KLKB1: variants seen among roughly 807,000 people sequenced by gnomAD.
KLKB1 encodes the protein kallikrein B1, also known as plasma kallikrein.
A neutral mutation model predicts 73.6 loss-of-function variants in KLKB1; 58 were observed. The observed-to-expected ratio is 0.79, with a 90% CI of 0.64 to 0.98. The LOEUF (loss-of-function observed/expected upper bound fraction) is 0.98, where lower values mean the gene tolerates loss of function less well. Among genes scored for constraint, KLKB1 ranks in the 50% least tolerant of loss-of-function variants. The probability of loss-of-function intolerance (pLI) is 0.00; values close to 1 mark genes in which losing one functional copy is unlikely to be tolerated. For synonymous variants in KLKB1, 280 were observed against 258.1 expected (o/e 1.08, Z -0.81); for missense variants, 737 against 763.8 (o/e 0.96, Z 0.41).
At chr4:186,216,541 G>A (rs1736907325) in intron 2 of KLKB1, among the ~76,000 whole-genome samples, 1 of 152,204 alleles carries the variant, frequency 6.6e-6, no homozygotes, top group Non-Finnish European at 1.5e-5. Flanking sequence ...GCAGTGGTCT[G>A]ATTGAAGTGA....
intron 2 of KLKB1, among the ~76,000 whole-genome samples, chr4:186,229,843 C>G (rs1737311242): frequency 2.6e-5 from 4 of 152,196 alleles, no homozygotes. Context: ...TCTGCTGAAC[C>G]AGAAAGTGCA....
At chr4:186,256,144 T>C (rs2126679330) in intron 13 of KLKB1, 57 bp downstream of exon 13, 1 of 1,065,642 alleles carries the variant, frequency 9.4e-7, no homozygotes, top group East Asian at 2.4e-5. Flanking sequence ...TTGAAATACA[T>C]GGAGTGGGTC....
chr4:186,232,046 G>A, intron 2 of KLKB1, 81 bp from the exon 3 acceptor site: 1 of 1,154,822 alleles, frequency 8.7e-7, no homozygotes. Flanking sequence ...CAGTCAGTGG[G>A]AGAAGTTAAG....
At chr4:186,244,409 A>G (rs1738216618) in intron 6 of KLKB1, among the ~76,000 whole-genome samples, 1 of 152,224 alleles carries the variant, frequency 6.6e-6, no homozygotes, top group African/African-American at 2.4e-5. Context: ...ATGAAGAATT[A>G]TGCCGAGATA....
upstream of KLKB1, among the ~76,000 whole-genome samples, chr4:186,227,109 A>G (rs1402872508): frequency 6.6e-6 from 1 of 152,134 alleles, no homozygotes; most frequent in Non-Finnish European, 1.5e-5. Context: ...CCTCCATGCA[A>G]GAGGGCATCT....
At chr4:186,247,574 G>T (rs1738422474) in intron 6 of KLKB1, among the ~76,000 whole-genome samples, 1 of 152,164 alleles carries the variant, frequency 6.6e-6, no homozygotes. Context: ...CTTGGGCCCA[G>T]AGGCCTGACA....
At chr4:186,234,821 A>G (rs1340970553) in intron 4 of KLKB1, among the ~76,000 whole-genome samples, 1 of 152,234 alleles carries the variant, frequency 6.6e-6, no homozygotes, top group Admixed American at 6.5e-5. Flanking sequence ...ACTATTTCTC[A>G]AACATGACTG....
In KLKB1 at chr4:186,251,997, C is replaced by T. The variant is rs372386375; in HGVS notation, c.1145-20C>T. The T allele has an allele frequency of 2.8e-5, 46 of 1,614,060 alleles. No individual in the cohort carries two copies. Among genetic ancestry groups the T allele is most frequent in the African/African-American group, 1.6e-4 (12 of 74,940 alleles). On this transcript the variant is annotated intron_variant, in intron 10 of 14. Coordinates refer to ENST00000264690, the MANE Select transcript of KLKB1 (RefSeq NM_000892.5). The stretch of plus-strand genomic sequence containing the variant: ...ATTCACTTCTAATTCCAACCATTAG[C>T]GTCAACGCTCTCTTTTCAGTCTGCA...
intron 4 of KLKB1, 142 bp from the exon 5 acceptor site, chr4:186,236,639 T>C (rs933860217): frequency 4.3e-6 from 3 of 705,180 alleles, no homozygotes; most frequent in Non-Finnish European, 7.4e-6. Flanking sequence ...ATAATAAAAA[T>C]TTTAAATCCC....
At chr4:186,218,277 C>T (rs916656640) in intron 2 of KLKB1, among the ~76,000 whole-genome samples, 1 of 152,122 alleles carries the variant, frequency 6.6e-6, no homozygotes, top group Non-Finnish European at 1.5e-5. Context: ...GCATAGATAT[C>T]ATTTGCTAAA....
upstream of KLKB1, among the ~76,000 whole-genome samples, chr4:186,222,662 T>C (rs1034275155): frequency 6.6e-6 from 1 of 152,268 alleles, no homozygotes; most frequent in East Asian, 1.9e-4. Context: ...TTTTAACTTT[T>C]ATACTAGAGT....
upstream of KLKB1, among the ~76,000 whole-genome samples, chr4:186,223,948 C>A (rs563922745): frequency 1.3e-5 from 2 of 152,226 alleles, no homozygotes; most frequent in African/African-American, 4.8e-5. Flanking sequence ...TTTCATGGGC[C>A]CTGCTGCTCT....
intron 12 of KLKB1, among the ~76,000 whole-genome samples, chr4:186,255,122 G>T (rs1023100773): frequency 6.6e-6 from 1 of 152,210 alleles, no homozygotes; most frequent in African/African-American, 2.4e-5. Context: ...GTGAGGGCAA[G>T]TGGGATCAGA....
intron 11 of KLKB1, 100 bp downstream of exon 11, chr4:186,252,285 G>A: frequency 7.6e-7 from 1 of 1,308,640 alleles, no homozygotes; most frequent in African/African-American, 1.4e-5. Context: ...TATGAATAGA[G>A]ACGTGTTAAA....
At chr4:186,227,348 C>T (rs553895217), upstream of KLKB1, 9 of 152,168 alleles carry the variant, frequency 5.9e-5, no homozygotes, top group South Asian at 1.2e-3. Context: ...CTGACAAACT[C>T]CTATTCCTAT....
intron 2 of KLKB1, among the ~76,000 whole-genome samples, chr4:186,214,650 C>T (rs529944879): frequency 1.3e-5 from 2 of 152,298 alleles, no homozygotes; most frequent in East Asian, 3.9e-4. Context: ...TTTTTTGGTT[C>T]TGCCATGATG....
chr4:186,215,008 A>T (rs1410190866), intron 2 of KLKB1, among the ~76,000 whole-genome samples: 1 of 151,842 alleles, frequency 6.6e-6, no homozygotes, highest in Non-Finnish European at 1.5e-5. Context: ...GCCTTTCCTG[A>T]TACTACTCAA....
chr4:186,247,775 G>A (rs982231718), intron 6 of KLKB1, among the ~76,000 whole-genome samples: 7 of 152,014 alleles, frequency 4.6e-5, no homozygotes, highest in Non-Finnish European at 1.0e-4. Flanking sequence ...TACAAGCTTG[G>A]TATTTAATAT....
At position 186,232,374 on chromosome 4, in the gene KLKB1, T is replaced by C. The variant is rs964208143; in HGVS notation, c.221+85T>C. Reference sequence around the variant, plus strand: ...CAGAAAGGTGTAGTATAACTGAGAGTTCTTCCTCACACGGGGTTCAAGGAC... The same window carrying C: ...CAGAAAGGTGTAGTATAACTGAGAGCTCTTCCTCACACGGGGTTCAAGGAC... On this transcript the variant is annotated intron_variant, in intron 3 of 14. Transcript: ENST00000264690. 6.2e-6 allele frequency: 8 copies of C among 1,286,104 alleles called. No individual in the cohort carries two copies. In the African/African-American group the frequency reaches 1.2e-4, roughly 19 times the overall value. 79.7% of individuals were successfully genotyped at this position (1,286,104 alleles called of 1,614,324 possible).
Sources: gnomAD v4.1 joint callset for allele counts (sites outside exome capture counted in the v4.1 genomes callset) on GRCh38, gnomAD v4.1.1 for gene constraint, MANE v1.5 for transcripts, NCBI Gene and HGNC (gene_info 2026-07-23, HGNC 2026-07-21) for gene names.